RAC2: variants seen among roughly 807,000 people sequenced by gnomAD.
RAC2 encodes ras-related C3 botulinum toxin substrate 2.
RAC2 carries 1 observed loss-of-function variant against 24.0 expected under a neutral mutation model. The ratio of observed to expected loss-of-function variants is 0.04; its 90% CI spans 0.01 to 0.20. RAC2 has a LOEUF of 0.20. Ranked by LOEUF, RAC2 falls within the 10% of genes least tolerant of loss-of-function variation. The pLI is 1.00. For synonymous variants in RAC2, 114 were observed against 106.8 expected (o/e 1.07, Z -0.41); for missense variants, 130 against 259.1 (o/e 0.50, Z 3.42).
At chr22:37,241,559 A>ACCACC (rs755869758) in intron 2 of RAC2, 28 bp downstream of exon 2, 1 of 1,600,134 alleles carries the variant, frequency 6.2e-7, no homozygotes, top group South Asian at 1.1e-5. Context: ...CCCTCCTCCC[A>ACCACC]CCACCCCACA....
chr22:37,235,635 G>A (rs1927201020), intron 2 of RAC2, among the ~76,000 whole-genome samples: 1 of 152,236 alleles, frequency 6.6e-6, no homozygotes, highest in South Asian at 2.1e-4. Flanking sequence ...CTACACTGCT[G>A]TGGGATTTCA....
At chr22:37,235,306 C>T (rs560171419) in intron 2 of RAC2, among the ~76,000 whole-genome samples, 6 of 152,292 alleles carry the variant, frequency 3.9e-5, no homozygotes, top group African/African-American at 9.6e-5. Flanking sequence ...GCCCTGTTCC[C>T]GCCTGTCTGG....
intron 1 of RAC2, among the ~76,000 whole-genome samples, chr22:37,243,024 G>A (rs943568481): frequency 6.6e-6 from 1 of 152,164 alleles, no homozygotes; most frequent in Non-Finnish European, 1.5e-5. Flanking sequence ...TTAAGAGACA[G>A]CGTCTTGCTC....
At chr22:37,228,519 G>A (rs1404587708) in intron 5 of RAC2, among the ~76,000 whole-genome samples, 5 of 152,250 alleles carry the variant, frequency 3.3e-5, no homozygotes, top group Admixed American at 6.5e-5. Context: ...GAAGGAGAAG[G>A]GAGGGGAGGG....
chr22:37,226,557 A>G, intron 6 of RAC2, 114 bp downstream of exon 6: 1 of 1,405,774 alleles, frequency 7.1e-7, no homozygotes, highest in Non-Finnish European at 9.7e-7. Flanking sequence ...GGCAACCTCC[A>G]TACCCACCTT....
chr22:37,232,568 A>G, intron 3 of RAC2: 1 of 568,194 alleles, frequency 1.8e-6, no homozygotes, highest in Non-Finnish European at 3.2e-6. Context: ...AGAGCCCAGG[A>G]GGCAATGGGG....
rs141670283 is a variant in RAC2, at chr22:37,238,073, CTG to C, written c.107+3512_107+3513del. 1.6e-3 allele frequency among the ~76,000 whole-genome samples: 237 copies of C among 151,812 alleles called. 9 individuals are homozygous for C. The East Asian group carries it at 0.042, about 27-fold the overall frequency. ...GGGAGGCAGAGATCATCAAGGCAGT[CTG>C]TGTACTTGGAGTGAAGTGGGTAAGG... is the stretch of plus-strand genomic sequence containing the variant. On this transcript the variant is annotated intron_variant, in intron 2 of 6. Transcript: ENST00000249071.
At chr22:37,232,063 G>A in intron 3 of RAC2, 69 bp from the exon 4 acceptor site, 1 of 1,493,822 alleles carries the variant, frequency 6.7e-7, no homozygotes. Flanking sequence ...CAGCCACCGA[G>A]AGGTGGAGCT....
rs79799102 is a variant in RAC2 at position 37,226,751 on chromosome 22, G to A, written c.501C>T (p.Thr167=). The A allele has an allele frequency of 7.9e-4, 1,276 of 1,613,170 alleles. 11 individuals carry two copies. In the East Asian group the frequency reaches 0.018, roughly 23 times the overall value. ...CGGCCCGGATGGCCTCGTCGAACAC[G>A]GTTTTCAGGCCTCTCTGGGTGAGAG... ...CSALTQRGLK[T]VFDEAIRAVL... is the part of the protein sequence containing the mutation. The change falls in exon 6 of 7, where the codon ACC becomes ACT. Residue 167 remains threonine (T), a synonymous_variant. Transcript: ENST00000249071.
At chr22:37,229,912 A>T (rs1182460160) in intron 5 of RAC2, among the ~76,000 whole-genome samples, 1 of 152,202 alleles carries the variant, frequency 6.6e-6, no homozygotes, top group Admixed American at 6.5e-5. Context: ...CACCCTCCAC[A>T]TGATCCCAAA....
chr22:37,242,425 G>A (rs1015079013), intron 1 of RAC2, among the ~76,000 whole-genome samples: 4 of 152,192 alleles, frequency 2.6e-5, no homozygotes, highest in Admixed American at 2.6e-4. Flanking sequence ...CCCAGAGCTG[G>A]TACATAGGAA....
intron 3 of RAC2, chr22:37,232,517 T>G (rs1188600678): frequency 6.0e-6 from 3 of 500,246 alleles, no homozygotes; most frequent in Admixed American, 6.5e-5. Context: ...TGGGGCCCTG[T>G]GCAGAATCCA....
At chr22:37,239,197 G>A (rs1404799979) in intron 2 of RAC2, among the ~76,000 whole-genome samples, 1 of 152,170 alleles carries the variant, frequency 6.6e-6, no homozygotes, top group Non-Finnish European at 1.5e-5. Context: ...GAAACTTTGT[G>A]CCTGAAGCCA....
chr22:37,236,119 C>T (rs1425778249), intron 2 of RAC2, among the ~76,000 whole-genome samples: 1 of 152,174 alleles, frequency 6.6e-6, no homozygotes, highest in Non-Finnish European at 1.5e-5. Context: ...CTCTGAGCCT[C>T]AATCTCTTTA....
intron 2 of RAC2, among the ~76,000 whole-genome samples, chr22:37,236,543 G>A (rs1218699040): frequency 6.6e-6 from 1 of 152,218 alleles, no homozygotes; most frequent in Non-Finnish European, 1.5e-5. Context: ...GGTAAGCATC[G>A]CTGCTATTTC....
chr22:37,225,320 A>G lies in RAC2; in HGVS notation c.*722T>C, dbSNP rs1926792587. ...TTAAGCAGGTTGAGTTGGGTTTTCT[A>G]TTTGCAATAGCAAAAGTCCTGACTG... On this transcript the variant is annotated 3_prime_UTR_variant, in exon 7 of 7. Transcript: ENST00000249071. 1 of 152,190 alleles carries G rather than the reference A, an allele frequency of 6.6e-6. No individual in the cohort carries two copies. 9.4% of individuals were successfully genotyped at this position (152,190 alleles called of 1,614,324 possible).
At chr22:37,232,352 C>T in intron 3 of RAC2, 1 of 443,682 alleles carries the variant, frequency 2.3e-6, no homozygotes, top group East Asian at 4.7e-5. Flanking sequence ...AGAGTCCATA[C>T]TCCAATCCAT....
intron 3 of RAC2, 52 bp downstream of exon 3, chr22:37,232,749 G>A (rs1601672556): frequency 6.7e-7 from 1 of 1,484,934 alleles, no homozygotes; most frequent in East Asian, 2.3e-5. Context: ...CCCAAGCAGA[G>A]GGAACAGAGA....
chr22:37,233,534 C>G (rs571462402), intron 2 of RAC2, among the ~76,000 whole-genome samples: 2 of 152,224 alleles, frequency 1.3e-5, no homozygotes, highest in African/African-American at 4.8e-5. Context: ...CCGCCCGCCT[C>G]GGCCTCTCAA....
Sources: gnomAD v4.1 joint callset for allele counts (sites outside exome capture counted in the v4.1 genomes callset) on GRCh38, gnomAD v4.1.1 for gene constraint, MANE v1.5 for transcripts, NCBI Gene and HGNC (gene_info 2026-07-23, HGNC 2026-07-21) for gene names.